The following TRPM1 variants were observed in gnomAD, a reference collection of about 807,000 sequenced individuals.
The protein encoded by TRPM1 is transient receptor potential cation channel subfamily M member 1.
Under a neutral mutation model 149.4 loss-of-function variants are expected in TRPM1, and 113 were observed. The observed-to-expected ratio is 0.76, with a 90% CI of 0.65 to 0.88. The LOEUF is 0.88. TRPM1 is among the 40% of genes least tolerant of loss of function. The pLI is 0.00. For synonymous variants in TRPM1, 741 were observed against 759.5 expected (o/e 0.98, Z 0.40); for missense variants, 1,976 against 2,038.7 (o/e 0.97, Z 0.59).
At position 31,002,792 on chromosome 15, in the gene TRPM1, T is replaced by G. The variant is rs367816046; in HGVS notation, c.3908A>C (p.Glu1303Ala). ...SLYRYHFNGE[E>A]LLFEDTSLST... ...GAGAGATGTATCCTCAAATAATAAC[T>G]CTTCTCCGTTAAAATGATATCGATA... Residue 1303 changes from glutamate (E) to alanine (A), a missense_variant, in exon 28 of 28, where the codon GAG becomes GCG. Physicochemically the swap from Glu to Ala is moderately radical, Grantham distance 107 (BLOSUM62 -1). This residue lies in a region of TRPM1 where 572 missense variants were observed against 578.9 expected (regional missense o/e 0.99). Transcript: ENST00000256552. 2.8e-5 allele frequency: 45 copies of G among 1,614,082 alleles called. No individual in the cohort carries two copies. Among genetic ancestry groups the G allele is most frequent in the Middle Eastern group, 1.6e-4 (1 of 6,084 alleles).
chr15:31,072,694 A>T (rs1385699024), intron 3 of TRPM1, among the ~76,000 whole-genome samples: 1 of 151,932 alleles, frequency 6.6e-6, no homozygotes, highest in African/African-American at 2.4e-5. Flanking sequence ...ACTATCTTAC[A>T]TTTTCATTCT....
intron 2 of TRPM1, among the ~76,000 whole-genome samples, chr15:31,077,728 T>C (rs2034744399): frequency 6.6e-6 from 1 of 151,976 alleles, no homozygotes; most frequent in Non-Finnish European, 1.5e-5. Context: ...TTTGTGGATG[T>C]ATGATGTGTG....
chr15:31,083,345 T>C (rs367946843), intron 1 of TRPM1, among the ~76,000 whole-genome samples: 22 of 152,188 alleles, frequency 1.4e-4, no homozygotes, highest in African/African-American at 5.3e-4. Flanking sequence ...AAAACTACAT[T>C]TAGCTGCCAT....
Position 31,027,030 on chromosome 15 carries a change from T to C in TRPM1, c.3381A>G (p.Pro1127=). 4 of 1,614,236 alleles carry C rather than the reference T, an allele frequency of 2.5e-6. No homozygotes were observed. Among genetic ancestry groups the C allele is most frequent in the Non-Finnish European group, 3.4e-6 (4 of 1,180,050 alleles). ...AAATGATCATCGGTGGGGGCAGGAC[T>C]GGCCTGTCATGAAATGTCATAATCA... ...YQLIMTFHDR[P]VLPPPMIILS... is the part of the protein sequence containing the mutation. The change falls in exon 26 of 28, where the codon CCA becomes CCG. Residue 1127 remains proline (P), a synonymous_variant. Transcript: ENST00000256552.
At chr15:31,015,568 G>A (rs551125332) in intron 27 of TRPM1, among the ~76,000 whole-genome samples, 8 of 152,226 alleles carry the variant, frequency 5.3e-5, no homozygotes, top group Non-Finnish European at 8.8e-5. Context: ...ACACAAGCAC[G>A]TCAATCTTTG....
At chr15:31,065,990 C>T (rs1351572015) in intron 7 of TRPM1, 86 bp downstream of exon 7, 9 of 1,507,640 alleles carry the variant, frequency 6.0e-6, no homozygotes, top group African/African-American at 2.7e-5. Flanking sequence ...CTTCTAATCC[C>T]CTTGGGCAAT....
rs574401307 is a variant in TRPM1 at position 31,036,551 on chromosome 15, C to T, written c.2572-877G>A. 6.6e-5 allele frequency among the ~76,000 whole-genome samples: 10 copies of T among 152,246 alleles called. No individual in the cohort carries two copies. The South Asian group carries it at 2.1e-3, about 32-fold the overall frequency. On this transcript the variant is annotated intron_variant, in intron 20 of 27. Transcript: ENST00000256552. ...TGAAGAAAGATTAGAGCCATGTTCT[C>T]AGACTTTGGGCTGCATCCTAATCCC... is the stretch of plus-strand genomic sequence containing the variant.
chr15:31,142,705 T>C (rs539384668), intron 1 of TRPM1, among the ~76,000 whole-genome samples: 7 of 152,312 alleles, frequency 4.6e-5, no homozygotes, highest in African/African-American at 1.7e-4. Flanking sequence ...AAAATCAAAT[T>C]CAAAATTAAT....
chr15:31,074,690 C>T (rs994448840), intron 3 of TRPM1, among the ~76,000 whole-genome samples: 5 of 152,062 alleles, frequency 3.3e-5, no homozygotes, highest in African/African-American at 9.7e-5. Flanking sequence ...ATTAATTCCA[C>T]TTTAATCATT....
chr15:31,041,935 C>T lies in TRPM1; in HGVS notation c.2087+16G>A. On this transcript the variant is annotated intron_variant, in intron 17 of 27. Coordinates refer to ENST00000256552, the MANE Select transcript of TRPM1 (RefSeq NM_001252024.2). Reference sequence around the variant, plus strand: ...GGTCATCTCTCCTGGCCTTTAAATCCCCGCTAGACACTAACTTGGAATTGT... The same window carrying T: ...GGTCATCTCTCCTGGCCTTTAAATCTCCGCTAGACACTAACTTGGAATTGT... The T allele has an allele frequency of 6.2e-7, 1 of 1,614,050 alleles. No individual in the cohort carries two copies. The highest frequency in any genetic ancestry group is 8.5e-7 in the Non-Finnish European group (1 of 1,179,988).
intron 1 of TRPM1, among the ~76,000 whole-genome samples, chr15:31,137,716 G>A (rs2036107800): frequency 1.3e-5 from 2 of 152,100 alleles, no homozygotes; most frequent in South Asian, 4.1e-4. Context: ...ATCCTATTTT[G>A]CCTAAATATT....
intron 12 of TRPM1, among the ~76,000 whole-genome samples, chr15:31,049,905 C>T (rs1409307509): frequency 3.3e-5 from 5 of 152,122 alleles, no homozygotes; most frequent in Admixed American, 3.3e-4. Context: ...GGCAGGCACA[C>T]GTCACCACAG....
At chr15:31,084,034 C>G (rs939453874) in intron 1 of TRPM1, among the ~76,000 whole-genome samples, 1 of 152,154 alleles carries the variant, frequency 6.6e-6, no homozygotes, top group Non-Finnish European at 1.5e-5. Flanking sequence ...TCACAGCCGA[C>G]CCCTCTCCTG....
chr15:31,088,448 G>A (rs1485888207), intron 1 of TRPM1, among the ~76,000 whole-genome samples: 1 of 152,202 alleles, frequency 6.6e-6, no homozygotes, highest in African/African-American at 2.4e-5. Context: ...AACACTGACT[G>A]TACGGTATGT....
At chr15:31,112,893 C>T (rs1374646865) in intron 1 of TRPM1, among the ~76,000 whole-genome samples, 6 of 152,158 alleles carry the variant, frequency 3.9e-5, no homozygotes, top group Non-Finnish European at 7.3e-5. Flanking sequence ...AACTCATTTG[C>T]CCATAGGATC....
At chr15:31,017,597 A>T (rs2032411311) in intron 27 of TRPM1, among the ~76,000 whole-genome samples, 1 of 152,216 alleles carries the variant, frequency 6.6e-6, no homozygotes, top group East Asian at 1.9e-4. Flanking sequence ...ATTAAATGAA[A>T]CTGTGTGCTC....
chr15:31,133,382 A>G (rs570535373), intron 1 of TRPM1, among the ~76,000 whole-genome samples: 1 of 151,400 alleles, frequency 6.6e-6, no homozygotes, highest in Non-Finnish European at 1.5e-5. Context: ...AGCATGATCC[A>G]CATGGTGAAA....
At chr15:31,077,726 T>C (rs2034744129) in intron 2 of TRPM1, among the ~76,000 whole-genome samples, 1 of 151,970 alleles carries the variant, frequency 6.6e-6, no homozygotes, top group Non-Finnish European at 1.5e-5. Context: ...TATTTGTGGA[T>C]GTATGATGTG....
At chr15:31,113,298 C>T (rs1232702576) in intron 1 of TRPM1, among the ~76,000 whole-genome samples, 1 of 152,194 alleles carries the variant, frequency 6.6e-6, no homozygotes, top group Non-Finnish European at 1.5e-5. Flanking sequence ...CCTAACTCTC[C>T]AGGAAGAGTG....
Sources: gnomAD v4.1 joint callset for allele counts (sites outside exome capture counted in the v4.1 genomes callset) on GRCh38, gnomAD v4.1.1 for gene constraint, gnomAD v4.1.1 regional missense constraint, MANE v1.5 for transcripts, NCBI Gene and HGNC (gene_info 2026-07-23, HGNC 2026-07-21) for gene names.